PABPC1L: variants seen among roughly 807,000 people sequenced by gnomAD.
PABPC1L encodes poly(A) binding protein cytoplasmic 1 like.
In PABPC1L, 31 loss-of-function variants were observed where a neutral mutation model predicts 66.6. The ratio of observed to expected loss-of-function variants is 0.47; its 90% CI spans 0.35 to 0.63. The LOEUF is 0.63. Among genes scored for constraint, PABPC1L ranks in the 20% least tolerant of loss-of-function variants. PABPC1L has a pLI of 0.00. For missense variants in PABPC1L, 722 were observed against 848.8 expected, an observed-to-expected ratio of 0.85 and a Z score of 1.86; for synonymous variants, 348 against 335.1, an observed-to-expected ratio of 1.04 and a Z score of -0.42.
At chr20:44,937,775 G>A in intron 12 of PABPC1L, 1 of 378,894 alleles carries the variant, frequency 2.6e-6, no homozygotes, top group East Asian at 5.5e-5. Flanking sequence ...GTAGTTCTCT[G>A]TAAACATTTT....
At chr20:44,919,380 C>A in intron 5 of PABPC1L, 103 bp downstream of exon 5, 1 of 1,308,174 alleles carries the variant, frequency 7.6e-7, no homozygotes, top group Non-Finnish European at 1.1e-6. Flanking sequence ...CCTCCCCGGC[C>A]TAAGCCAAGA....
intron 10 of PABPC1L, among the ~76,000 whole-genome samples, chr20:44,933,748 AT>A (rs749525367): frequency 4.5e-3 from 540 of 119,450 alleles, no homozygotes; most frequent in Middle Eastern, 0.011. Flanking sequence ...CCCAGCCTTA[AT>A]TTTTTTTTTT....
Position 44,921,713 on chromosome 20 carries a change from C to T in PABPC1L, c.858C>T (p.Asp286=), listed in dbSNP as rs2066775156. Reference sequence around the variant, plus strand: ...GCAGGTTTGAGCAGATGAAGCAGGACCGGCTGAGGCGTTACCAGGTGAGGT... The same window carrying T: ...GCAGGTTTGAGCAGATGAAGCAGGATCGGCTGAGGCGTTACCAGGTGAGGT... ...LKRRFEQMKQ[D]RLRRYQGVNL... is the part of the protein sequence containing the mutation. The change falls in exon 6 of 15, where the codon GAC becomes GAT. Residue 286 remains aspartate (D), a synonymous_variant. Transcript: ENST00000217073. 1 of 1,613,544 alleles carries T rather than the reference C, an allele frequency of 6.2e-7. No homozygotes were observed. Among genetic ancestry groups the T allele is most frequent in the Non-Finnish European group, 8.5e-7 (1 of 1,179,784 alleles).
chr20:44,921,687 C>T lies in PABPC1L; in HGVS notation c.832C>T (p.Arg278Cys), dbSNP rs753318746. ...CGTGGAGCGGCAGAATGAACTGAAG[C>T]GCAGGTTTGAGCAGATGAAGCAGGA... The part of the protein sequence containing the change: ...KRVERQNELK[R>C]RFEQMKQDRL... Residue 278 changes from arginine to cysteine, a missense_variant, in exon 6 of 15, where the codon CGC (arginine) becomes TGC (cysteine). Physicochemically the swap from Arg to Cys is radical, Grantham distance 180 (BLOSUM62 -3). Transcript: ENST00000217073. 33 of 1,613,808 alleles carry T rather than the reference C, an allele frequency of 2.0e-5. No individual in the cohort carries two copies. The South Asian group carries it at 2.9e-4, about 14-fold the overall frequency.
chr20:44,936,948 T>C (rs1326693370), intron 12 of PABPC1L: 1 of 647,580 alleles, frequency 1.5e-6, no homozygotes. Flanking sequence ...CTGAGCTTTC[T>C]TCCACTGCTG....
Position 44,919,226 on chromosome 20 carries a change from C to T in PABPC1L, c.687C>T (p.His229=), listed in dbSNP as rs906659455. 4.3e-6 allele frequency: 7 copies of T among 1,614,228 alleles called. No homozygotes were observed. Among genetic ancestry groups the T allele is most frequent in the South Asian group, 1.1e-5 (1 of 91,092 alleles). Residue 229 remains histidine (H), a synonymous_variant, in exon 5 of 15, where the codon CAC becomes CAT. Transcript: ENST00000217073. ...SVKVMRDNSG[H]SRCFGFVNFE... ...AGGTGATGAGGGACAACAGCGGCCA[C>T]TCGCGGTGCTTTGGCTTTGTCAACT... is the stretch of plus-strand genomic sequence containing the variant.
Position 44,917,004 on chromosome 20 carries a change from G to A in PABPC1L, c.503+133G>A, listed in dbSNP as rs1601108933. ...TGAGCGGCAGGCAGCCCTCCTAGAA[G>A]TGTGAGCCCGGAGCAGCTGCTCAAC... On this transcript the variant is annotated intron_variant, in intron 3 of 14. Transcript: ENST00000217073. The A allele has an allele frequency of 3.1e-5, 24 of 765,102 alleles. No homozygotes were observed. The East Asian group carries it at 6.1e-4, about 19-fold the overall frequency. The allele number at this position is 765,102 out of a possible 1,614,324, so 47.4% of individuals were successfully genotyped here.
chr20:44,923,649 A>G (rs887662776), intron 6 of PABPC1L, among the ~76,000 whole-genome samples: 29 of 152,228 alleles, frequency 1.9e-4, no homozygotes, highest in African/African-American at 7.0e-4. Context: ...AAGTCTTAAA[A>G]AAAAAATCAA....
intron 10 of PABPC1L, 86 bp from the exon 11 acceptor site, chr20:44,935,305 T>G: frequency 1.1e-6 from 1 of 937,922 alleles, no homozygotes; most frequent in African/African-American, 1.6e-5. Context: ...TTATTTTCTG[T>G]TTTGGTGTTG....
Position 44,913,658 on chromosome 20 carries a change from C to T in PABPC1L, c.387+805C>T, listed in dbSNP as rs114193491. On this transcript the variant is annotated intron_variant, in intron 2 of 14. Coordinates refer to ENST00000217073, the MANE Select transcript of PABPC1L (RefSeq NM_001372179.1). ...CAGGCTGGTCTCGAACTCCTGACCT[C>T]CCAAAATGCTGGGATTACAGCCATG... is the stretch of plus-strand genomic sequence containing the variant. Among the ~76,000 whole-genome samples the T allele has an allele frequency of 5.1e-3, 778 of 152,184 alleles. 6 individuals carry two copies. The highest frequency in any genetic ancestry group is 0.017 in the African/African-American group (715 of 41,510).
At chr20:44,927,828 T>C (rs1052458649) in intron 7 of PABPC1L, among the ~76,000 whole-genome samples, 1 of 152,144 alleles carries the variant, frequency 6.6e-6, no homozygotes, top group African/African-American at 2.4e-5. Context: ...TAGCTGAGAC[T>C]ATAGGAGCAC....
At chr20:44,923,461 TC>T (rs1333036182) in intron 6 of PABPC1L, among the ~76,000 whole-genome samples, 1 of 151,860 alleles carries the variant, frequency 6.6e-6, no homozygotes, top group Non-Finnish European at 1.5e-5. Flanking sequence ...GAAACCCGTC[TC>T]TACTAAAAAA....
chr20:44,932,430 C>T lies in PABPC1L; in HGVS notation c.1328C>T (p.Ser443Phe), dbSNP rs1418700577. 2 of 1,612,326 alleles carry T rather than the reference C, an allele frequency of 1.2e-6. No homozygotes were observed. Among genetic ancestry groups the T allele is most frequent in the Admixed American group, 3.3e-5 (2 of 59,920 alleles). The stretch of plus-strand genomic sequence containing the variant: ...TGGACATCCCAGCCACCTAGACCTT[C>T]CTGTGAGTGACCCAGCCCCTTCCAC... Reference protein sequence around the residue: ...PRWTSQPPRPSSAYPPGASMV... With the variant: ...PRWTSQPPRPFSAYPPGASMV... The change falls in exon 9 of 15, where the codon TCC becomes TTC. Residue 443 changes from serine (S) to phenylalanine (F), a missense_variant and splice_region_variant. By Grantham distance (155) the Ser-to-Phe change is radical. Coordinates refer to ENST00000217073, the MANE Select transcript of PABPC1L (RefSeq NM_001372179.1).
intron 7 of PABPC1L, among the ~76,000 whole-genome samples, chr20:44,925,380 C>T (rs957813708): frequency 5.3e-5 from 8 of 152,104 alleles, no homozygotes; most frequent in South Asian, 2.1e-4. Context: ...GAAGTCAGCC[C>T]GTCACTAACT....
chr20:44,913,576 A>G (rs1298895105), intron 2 of PABPC1L, among the ~76,000 whole-genome samples: 2 of 152,064 alleles, frequency 1.3e-5, no homozygotes, highest in Admixed American at 6.5e-5. Context: ...GCGAGCCACC[A>G]TGCCTGGATA....
rs1381022898 is a variant in PABPC1L at position 44,910,191 on chromosome 20, C to G, written c.48C>G (p.Gly16=). Reference sequence around the variant, plus strand: ...ACCCGCTTGCCTCGCTTTACGTGGGCGATCTGCACCCCGACGTGACCGAGG... The same window carrying G: ...ACCCGCTTGCCTCGCTTTACGTGGGGGATCTGCACCCCGACGTGACCGAGG... ...SGYPLASLYV[G]DLHPDVTEAM... is the part of the protein sequence containing the mutation. Residue 16 remains glycine, a synonymous_variant, in exon 1 of 15, where the codon GGC becomes GGG. Transcript: ENST00000217073. The G allele has an allele frequency of 1.9e-6, 3 of 1,581,106 alleles. No homozygotes were observed. The highest frequency in any genetic ancestry group is 2.6e-6 in the Non-Finnish European group (3 of 1,164,020).
At chr20:44,916,969 AC>A in intron 3 of PABPC1L, 98 bp downstream of exon 3, 1 of 1,181,270 alleles carries the variant, frequency 8.5e-7, no homozygotes, top group Non-Finnish European at 1.2e-6. Context: ...GCTAATGGGC[AC>A]CAGGCACTTG....
chr20:44,923,644 T>G (rs2066789113), intron 6 of PABPC1L, among the ~76,000 whole-genome samples: 1 of 151,424 alleles, frequency 6.6e-6, no homozygotes, highest in Non-Finnish European at 1.5e-5. Flanking sequence ...AAAAAAAGTC[T>G]TAAAAAAAAA....
intron 3 of PABPC1L, 125 bp downstream of exon 3, chr20:44,916,996 T>TC (rs1422533880): frequency 1.2e-6 from 1 of 848,966 alleles, no homozygotes; most frequent in Non-Finnish European, 1.9e-6. Flanking sequence ...CAGGCAGCCC[T>TC]CCTAGAAGTG....
Sources: allele counts gnomAD v4.1 joint callset (sites outside exome capture counted in the v4.1 genomes callset), GRCh38; gene constraint gnomAD v4.1.1; transcripts MANE v1.5; gene names NCBI Gene and HGNC (gene_info 2026-07-23, HGNC 2026-07-21).